CA10: variants seen among roughly 807,000 people sequenced by gnomAD.
CA10 encodes carbonic anhydrase 10 (inactive), also known as carbonic anhydrase-related protein 10.
In CA10, 14 loss-of-function variants were observed where a neutral mutation model predicts 44.2. That is an observed-to-expected ratio of 0.32 (90% CI 0.21 to 0.50). The LOEUF (loss-of-function observed/expected upper bound fraction) is 0.50. Ranked by LOEUF, CA10 falls within the 20% of genes least tolerant of loss-of-function variation. The pLI is 0.99. For synonymous variants in CA10, 159 were observed against 141.6 expected (o/e 1.12, Z -0.87); for missense variants, 350 against 409.7 (o/e 0.85, Z 1.26).
chr17:51,663,217 TTG>T (rs1914072919), intron 4 of CA10, among the ~76,000 whole-genome samples: 1 of 141,506 alleles, frequency 7.1e-6, no homozygotes, highest in South Asian at 2.4e-4. Context: ...TTCCCGGAAC[TTG>T]GAATGCGTTT....
At chr17:52,139,292 T>A (rs1487025473) in intron 1 of CA10, among the ~76,000 whole-genome samples, 1 of 152,168 alleles carries the variant, frequency 6.6e-6, no homozygotes, top group Admixed American at 6.5e-5. Context: ...GGCCTTTAGT[T>A]GTTTACATTA....
rs531982023 is a variant in CA10, at chr17:52,026,021, C to A, written c.136+46298G>T. ...ATATATATATCTGTGTGTACACATACATGTACACACAGAAGGAAAATATCT... is the reference window on the plus strand; with the variant it reads ...ATATATATATCTGTGTGTACACATAAATGTACACACAGAAGGAAAATATCT... On this transcript the variant is annotated intron_variant, in intron 2 of 8. Transcript: ENST00000451037. 1.2e-3 allele frequency among the ~76,000 whole-genome samples: 186 copies of A among 151,938 alleles called. 5 individuals carry two copies. The South Asian group carries it at 0.023, about 19-fold the overall frequency.
chr17:52,016,308 G>A (rs1038973139), intron 2 of CA10, among the ~76,000 whole-genome samples: 1 of 152,094 alleles, frequency 6.6e-6, no homozygotes, highest in Non-Finnish European at 1.5e-5. Flanking sequence ...AACTACATGA[G>A]AGAGATTAAC....
chr17:51,807,715 T>C (rs528041180), intron 3 of CA10, among the ~76,000 whole-genome samples: 1 of 152,226 alleles, frequency 6.6e-6, no homozygotes, highest in South Asian at 2.1e-4. Context: ...AAAACAAACA[T>C]GGGTAAATCT....
chr17:51,978,048 C>T (rs1471631939), intron 2 of CA10, among the ~76,000 whole-genome samples: 1 of 151,980 alleles, frequency 6.6e-6, no homozygotes, highest in Admixed American at 6.6e-5. Context: ...GAATGATATA[C>T]CATGCTTAGG....
chr17:51,656,313 C>T (rs28465480), intron 4 of CA10, among the ~76,000 whole-genome samples: 3,396 of 152,292 alleles, frequency 0.022, 131 homozygotes, highest in African/African-American at 0.077. Context: ...CCATGGGCTG[C>T]CTCTCAGGGT....
At chr17:51,770,736 T>G (rs891573783) in intron 3 of CA10, among the ~76,000 whole-genome samples, 4 of 152,010 alleles carry the variant, frequency 2.6e-5, no homozygotes, top group Admixed American at 6.6e-5. Flanking sequence ...GGGGCCTTTA[T>G]TCATGGTGGA....
chr17:52,070,920 C>G (rs1286779938), intron 2 of CA10, among the ~76,000 whole-genome samples: 1 of 152,160 alleles, frequency 6.6e-6, no homozygotes, highest in African/African-American at 2.4e-5. Context: ...CTTCTTATTA[C>G]CTGGAGAGAA....
intron 1 of CA10, among the ~76,000 whole-genome samples, chr17:52,076,032 G>GT (rs749819609): frequency 6.6e-5 from 10 of 152,286 alleles, no homozygotes; most frequent in Admixed American, 1.3e-4. Flanking sequence ...ATACATGCAT[G>GT]TTGTCAAGAC....
intron 3 of CA10, among the ~76,000 whole-genome samples, chr17:51,924,279 TTTTG>T (rs1224606725): frequency 3.3e-5 from 5 of 151,346 alleles, no homozygotes; most frequent in African/African-American, 7.3e-5. Context: ...ACTTTGTTTG[TTTTG>T]TTTGTTTGTT....
intron 3 of CA10, among the ~76,000 whole-genome samples, chr17:51,833,632 ACTGT>A (rs1908366156): frequency 6.6e-6 from 1 of 152,204 alleles, no homozygotes; most frequent in African/African-American, 2.4e-5. Flanking sequence ...GAAAGGCAGG[ACTGT>A]CTGTCAGAGT....
At chr17:52,157,104 A>G (rs544478851) in intron 1 of CA10, among the ~76,000 whole-genome samples, 1 of 152,248 alleles carries the variant, frequency 6.6e-6, no homozygotes, top group Non-Finnish European at 1.5e-5. Context: ...GAATTAAAAA[A>G]CACCGTGATG....
chr17:51,813,365 C>T (rs1434594520), intron 3 of CA10, among the ~76,000 whole-genome samples: 1 of 152,212 alleles, frequency 6.6e-6, no homozygotes, highest in Non-Finnish European at 1.5e-5. Flanking sequence ...GGCATAAATC[C>T]GTTGGCTTCC....
At chr17:51,824,171 G>T (rs538163897) in intron 3 of CA10, among the ~76,000 whole-genome samples, 18 of 152,282 alleles carry the variant, frequency 1.2e-4, no homozygotes, top group Middle Eastern at 3.4e-3. Flanking sequence ...ATATGAGTTA[G>T]GTTTCATGGC....
chr17:52,005,864 G>A (rs192166565), intron 2 of CA10, among the ~76,000 whole-genome samples: 50 of 151,874 alleles, frequency 3.3e-4, no homozygotes, highest in Non-Finnish European at 6.2e-4. Flanking sequence ...TTCAACATCT[G>A]GTCATGGAAG....
intron 3 of CA10, among the ~76,000 whole-genome samples, chr17:51,862,633 T>C (rs1285233839): frequency 2.6e-5 from 4 of 152,110 alleles, no homozygotes; most frequent in Admixed American, 1.3e-4. Context: ...TACCATAGAC[T>C]GAGTGGTTTA....
At chr17:52,143,290 A>G (rs1206926621) in intron 1 of CA10, among the ~76,000 whole-genome samples, 1 of 152,176 alleles carries the variant, frequency 6.6e-6, no homozygotes, top group Non-Finnish European at 1.5e-5. Context: ...TTTATCTGAC[A>G]TGAATTTTTG....
intron 2 of CA10, among the ~76,000 whole-genome samples, chr17:52,030,706 T>A (rs1226242036): frequency 1.3e-5 from 2 of 152,266 alleles, no homozygotes; most frequent in East Asian, 3.9e-4. Context: ...GGAGGCACCA[T>A]TCATTCTTCC....
chr17:51,758,717 T>G (rs1308390702), intron 3 of CA10, among the ~76,000 whole-genome samples: 1 of 152,342 alleles, frequency 6.6e-6, no homozygotes, highest in Admixed American at 6.5e-5. Flanking sequence ...ATGGTTTTAT[T>G]AGTTTAATAT....
Sources: allele counts gnomAD v4.1 joint callset (sites outside exome capture counted in the v4.1 genomes callset), GRCh38; gene constraint gnomAD v4.1.1; transcripts MANE v1.5; gene names NCBI Gene and HGNC (gene_info 2026-07-23, HGNC 2026-07-21).